The following ANO3 variants were observed in gnomAD, a reference collection of about 807,000 sequenced individuals.
ANO3 encodes anoctamin 3.
Under a neutral mutation model 144.8 loss-of-function variants are expected in ANO3, and 99 were observed. That is an observed-to-expected ratio of 0.68 (90% CI 0.58 to 0.81). ANO3 has a LOEUF of 0.81. Ranked by LOEUF, ANO3 falls within the 30% of genes least tolerant of loss-of-function variation. The pLI is 0.00. For synonymous variants in ANO3, 414 were observed against 392.6 expected (o/e 1.05, Z -0.64); for missense variants, 905 against 1,202.2 (o/e 0.75, Z 3.66).
At chr11:26,595,385 T>A (rs1369954415) in intron 14 of ANO3, among the ~76,000 whole-genome samples, 1 of 147,084 alleles carries the variant, frequency 6.8e-6, no homozygotes, top group East Asian at 2.1e-4. Flanking sequence ...TTCATTCCCA[T>A]AAACAACAGT....
intron 24 of ANO3, among the ~76,000 whole-genome samples, chr11:26,653,685 G>A (rs994933187): frequency 1.6e-4 from 24 of 151,574 alleles, no homozygotes; most frequent in African/African-American, 5.8e-4. Flanking sequence ...ACGTGCCAAG[G>A]TCTCTGCTTT....
intron 1 of ANO3, among the ~76,000 whole-genome samples, chr11:26,438,617 A>T (rs1347524371): frequency 6.7e-6 from 1 of 149,212 alleles, no homozygotes; most frequent in Admixed American, 6.7e-5. Flanking sequence ...AAGAAAAAAA[A>T]AAAAAAAGAA....
intron 14 of ANO3, among the ~76,000 whole-genome samples, chr11:26,595,812 A>G (rs1217653175): frequency 6.6e-6 from 1 of 152,190 alleles, no homozygotes; most frequent in Admixed American, 6.5e-5. Flanking sequence ...TTTTTGAGTT[A>G]GTAAGCTACT....
intron 1 of ANO3, among the ~76,000 whole-genome samples, chr11:26,194,486 G>GTGTA (rs1851544944): frequency 6.9e-6 from 1 of 144,568 alleles, no homozygotes; most frequent in Non-Finnish European, 1.5e-5. Flanking sequence ...GTGTGTGTGT[G>GTGTA]TATTATTTAT....
chr11:26,279,384 A>G (rs1482090284), intron 1 of ANO3, among the ~76,000 whole-genome samples: 1 of 152,172 alleles, frequency 6.6e-6, no homozygotes, highest in African/African-American at 2.4e-5. Context: ...TTTCAAGTCC[A>G]TGAAGTGAAA....
In ANO3 at chr11:26,479,459, G is replaced by A. The variant is rs141325631; in HGVS notation, c.432+16311G>A. Among the ~76,000 whole-genome samples, 1,468 of 152,256 alleles carry A rather than the reference G, an allele frequency of 9.6e-3. 22 individuals are homozygous for A. Among genetic ancestry groups the A allele is most frequent in the African/African-American group, 0.033 (1,377 of 41,540 alleles). ...CTCACAGTTCCACATGGCTGGGGAGGCCTCATAATCACGGAAGGCAAATGA... is the reference window on the plus strand; with the variant it reads ...CTCACAGTTCCACATGGCTGGGGAGACCTCATAATCACGGAAGGCAAATGA... On this transcript the variant is annotated intron_variant, in intron 4 of 26. Transcript: ENST00000256737.
intron 12 of ANO3, among the ~76,000 whole-genome samples, chr11:26,552,433 C>A (rs1023510040): frequency 2.0e-5 from 3 of 151,972 alleles, no homozygotes; most frequent in African/African-American, 7.2e-5. Context: ...AAATTCCTTT[C>A]AACATTTCTA....
intron 1 of ANO3, among the ~76,000 whole-genome samples, chr11:26,359,462 A>G (rs770370988): frequency 6.6e-6 from 1 of 152,206 alleles, no homozygotes. Context: ...GAAGTTTCAC[A>G]TGTATGTACT....
intron 4 of ANO3, among the ~76,000 whole-genome samples, chr11:26,507,736 T>C (rs1861492543): frequency 6.6e-6 from 1 of 152,218 alleles, no homozygotes. Context: ...TAGTAAATAC[T>C]CAACATATGT....
intron 1 of ANO3, among the ~76,000 whole-genome samples, chr11:26,341,049 CTCTTTTCTTT>C (rs888346184): frequency 1.3e-5 from 2 of 152,002 alleles, no homozygotes; most frequent in African/African-American, 4.8e-5. Context: ...TCCTTCTCTT[CTCTTTTCTTT>C]TCTTTTCTCT....
chr11:26,535,435 G>T (rs1299177158), intron 9 of ANO3, among the ~76,000 whole-genome samples: 1 of 151,914 alleles, frequency 6.6e-6, no homozygotes. Flanking sequence ...ATGCTTGAAG[G>T]GATCAAATGT....
intron 14 of ANO3, among the ~76,000 whole-genome samples, chr11:26,592,824 A>G (rs1337421038): frequency 6.6e-6 from 1 of 151,928 alleles, no homozygotes; most frequent in Non-Finnish European, 1.5e-5. Flanking sequence ...GCTGCAGGCA[A>G]AAGTATTTTT....
intron 1 of ANO3, among the ~76,000 whole-genome samples, chr11:26,373,884 A>ATTAAGGAGCAAGCAACAC (rs1856331326): frequency 6.6e-6 from 1 of 152,234 alleles, no homozygotes; most frequent in Non-Finnish European, 1.5e-5. Context: ...GCAAGCAACA[A>ATTAAGGAGCAAGCAACAC]GTAAGTTTCC....
rs1041119457 is a variant in ANO3 at position 26,614,444 on chromosome 11, C to A, written c.1837-10018C>A. Among the ~76,000 whole-genome samples, 3 of 152,086 alleles carry A rather than the reference C, an allele frequency of 2.0e-5. No individual in the cohort carries two copies. In the East Asian group the frequency reaches 5.8e-4, roughly 29 times the overall value. ...CACTATGGTAGTATGATGGCAGGGC[C>A]TCAGGAATGGAAAGTCAATTGATAC... On this transcript the variant is annotated intron_variant, in intron 17 of 26. Transcript: ENST00000256737.
chr11:26,370,201 C>G (rs1000945423), intron 1 of ANO3, among the ~76,000 whole-genome samples: 3 of 152,148 alleles, frequency 2.0e-5, no homozygotes, highest in Non-Finnish European at 1.5e-5. Flanking sequence ...TGGTTTTCCC[C>G]ATGCTATTCT....
At chr11:26,603,663 T>C (rs1851859532) in intron 17 of ANO3, among the ~76,000 whole-genome samples, 1 of 137,308 alleles carries the variant, frequency 7.3e-6, no homozygotes, top group Non-Finnish European at 1.7e-5. Flanking sequence ...TTTTCTAGAA[T>C]ACACATACAG....
At chr11:26,193,466 A>G (rs1041173682) in intron 1 of ANO3, among the ~76,000 whole-genome samples, 2 of 152,122 alleles carry the variant, frequency 1.3e-5, no homozygotes, top group Admixed American at 6.5e-5. Context: ...TAGATGACCA[A>G]TAAACTATCT....
intron 14 of ANO3, among the ~76,000 whole-genome samples, chr11:26,574,601 T>A (rs2132839698): frequency 6.6e-6 from 1 of 152,292 alleles, no homozygotes; most frequent in African/African-American, 2.4e-5. Flanking sequence ...ATTTTAATGA[T>A]ATTCTTTATA....
intron 1 of ANO3, among the ~76,000 whole-genome samples, chr11:26,313,105 T>A (rs1854538556): frequency 6.6e-6 from 1 of 152,178 alleles, no homozygotes; most frequent in South Asian, 2.1e-4. Context: ...TTTTATTCGT[T>A]GGATAAAAGG....
Sources: allele counts gnomAD v4.1 joint callset (sites outside exome capture counted in the v4.1 genomes callset), GRCh38; gene constraint gnomAD v4.1.1; transcripts MANE v1.5; gene names NCBI Gene and HGNC (gene_info 2026-07-23, HGNC 2026-07-21).